NKAIN3: variants seen among roughly 807,000 people sequenced by gnomAD.
NKAIN3 encodes the protein sodium/potassium transporting ATPase interacting 3, also known as sodium/potassium-transporting ATPase subunit beta-1-interacting protein 3.
In NKAIN3, 25 loss-of-function variants were observed where a neutral mutation model predicts 30.2. The ratio of observed to expected loss-of-function variants is 0.83; its 90% CI spans 0.60 to 1.16. The LOEUF (loss-of-function observed/expected upper bound fraction) is 1.16, where lower values mean the gene tolerates loss of function less well. Ranked by LOEUF, NKAIN3 falls within the 50% of genes most tolerant of loss-of-function variation. The pLI is 0.00. For missense variants in NKAIN3, 225 were observed against 254.1 expected (o/e 0.89, Z 0.78); for synonymous variants, 91 against 89.6 (o/e 1.02, Z -0.09).
chr8:62,541,404 A>G (rs951125858), intron 1 of NKAIN3, among the ~76,000 whole-genome samples: 1 of 152,174 alleles, frequency 6.6e-6, no homozygotes, highest in Non-Finnish European at 1.5e-5. Flanking sequence ...CCTGTAGAAC[A>G]TCTCCTTCCT....
chr8:62,351,152 A>C (rs1816167178), intron 1 of NKAIN3, among the ~76,000 whole-genome samples: 1 of 148,620 alleles, frequency 6.7e-6, no homozygotes, highest in Non-Finnish European at 1.5e-5. Context: ...AAATGTTAGA[A>C]TAGATAATAT....
intron 1 of NKAIN3, among the ~76,000 whole-genome samples, chr8:62,340,280 C>A (rs934981182): frequency 6.6e-6 from 1 of 151,944 alleles, no homozygotes; most frequent in African/African-American, 2.4e-5. Flanking sequence ...CTTGGCCTCT[C>A]TTTTTATAAT....
At chr8:62,856,227 G>A (rs897983327) in intron 4 of NKAIN3, 3 of 847,472 alleles carry the variant, frequency 3.5e-6, no homozygotes, top group Middle Eastern at 2.2e-4. Context: ...GTTTTCACTG[G>A]TTCATTTGTT....
At chr8:62,270,084 T>TTTTG (rs983551262) in intron 1 of NKAIN3, among the ~76,000 whole-genome samples, 1 of 152,058 alleles carries the variant, frequency 6.6e-6, no homozygotes, top group Admixed American at 6.6e-5. Flanking sequence ...GATCACAGAG[T>TTTTG]TTTGTTTGTT....
intron 1 of NKAIN3, among the ~76,000 whole-genome samples, chr8:62,308,888 G>T (rs563200628): frequency 6.7e-6 from 1 of 149,986 alleles, no homozygotes; most frequent in Non-Finnish European, 1.5e-5. Context: ...ATTGACCAAC[G>T]GGAGATCTAC....
intron 4 of NKAIN3, among the ~76,000 whole-genome samples, chr8:62,774,432 G>A (rs1817120406): frequency 6.6e-6 from 1 of 152,044 alleles, no homozygotes; most frequent in South Asian, 2.1e-4. Context: ...GCTGGGACTT[G>A]CATTACTATG....
At chr8:62,951,034 CA>C (rs1312492815) in intron 5 of NKAIN3, among the ~76,000 whole-genome samples, 2 of 147,364 alleles carry the variant, frequency 1.4e-5, no homozygotes, top group Admixed American at 6.9e-5. Context: ...CTCTTTTCTC[CA>C]AAACTTAAAA....
intron 3 of NKAIN3, among the ~76,000 whole-genome samples, chr8:62,632,228 T>C (rs1586030236): frequency 6.6e-6 from 1 of 152,324 alleles, no homozygotes; most frequent in Admixed American, 6.5e-5. Context: ...TCTATCTCCA[T>C]ATTTCTAACA....
intron 1 of NKAIN3, among the ~76,000 whole-genome samples, chr8:62,522,567 T>C (rs1808192309): frequency 6.6e-6 from 1 of 152,132 alleles, no homozygotes; most frequent in Middle Eastern, 3.4e-3. Context: ...ATGCGTGTCA[T>C]TGACCCTGAA....
At chr8:62,566,463 GAA>G (rs1269957413) in intron 1 of NKAIN3, among the ~76,000 whole-genome samples, 1 of 142,976 alleles carries the variant, frequency 7.0e-6, no homozygotes, top group Non-Finnish European at 1.5e-5. Flanking sequence ...ACTAAAGAAA[GAA>G]AAAAATTAAT....
At chr8:62,533,340 A>T (rs1472196221) in intron 1 of NKAIN3, among the ~76,000 whole-genome samples, 3 of 152,242 alleles carry the variant, frequency 2.0e-5, no homozygotes, top group African/African-American at 7.2e-5. Flanking sequence ...GGATAATCTT[A>T]TAGAATGGCC....
intron 1 of NKAIN3, among the ~76,000 whole-genome samples, chr8:62,249,582 C>T (rs1258145669): frequency 6.6e-6 from 1 of 152,236 alleles, no homozygotes; most frequent in Non-Finnish European, 1.5e-5. Context: ...TCTGAGGAGA[C>T]AGAAGCTGCC....
chr8:62,316,067 C>A (rs1814614493), intron 1 of NKAIN3, among the ~76,000 whole-genome samples: 2 of 152,046 alleles, frequency 1.3e-5, no homozygotes, highest in Admixed American at 1.3e-4. Flanking sequence ...CCCCCTTTTT[C>A]TGCACTTCTC....
At chr8:62,933,596 A>G (rs778897802) in intron 5 of NKAIN3, among the ~76,000 whole-genome samples, 1 of 152,168 alleles carries the variant, frequency 6.6e-6, no homozygotes, top group African/African-American at 2.4e-5. Flanking sequence ...ATTGACTCCA[A>G]AGAGTTTAGA....
intron 4 of NKAIN3, among the ~76,000 whole-genome samples, chr8:62,875,319 T>C (rs189731748): frequency 2.0e-5 from 3 of 151,958 alleles, no homozygotes; most frequent in Admixed American, 6.6e-5. Flanking sequence ...CTCAAGGAAA[T>C]AAGAGAGGAC....
intron 3 of NKAIN3, among the ~76,000 whole-genome samples, chr8:62,600,333 G>A (rs1810951855): frequency 1.3e-5 from 2 of 151,994 alleles, no homozygotes; most frequent in South Asian, 4.1e-4. Flanking sequence ...CATGAGCTTT[G>A]ATCAGGGGCC....
In NKAIN3 at chr8:62,249,162, T is replaced by TCCCTGCTCCAGGACCGGC. The variant is rs1811998302; in HGVS notation, c.54+37_54+54dup. 4 of 1,505,258 alleles carry TCCCTGCTCCAGGACCGGC rather than the reference T, an allele frequency of 2.7e-6. No homozygotes were observed. In the East Asian group the frequency reaches 1.1e-4, roughly 40 times the overall value. 93.2% of individuals were successfully genotyped at this position (1,505,258 alleles called of 1,614,324 possible). ...CCGAGGGCCCCTGCCCCAGGACAGGTCCCTGCTCCAGGACCGGCCTCTGCG... is the reference window on the plus strand; with the variant it reads ...CCGAGGGCCCCTGCCCCAGGACAGGTCCCTGCTCCAGGACCGGCCCCTGCTCCAGGACCGGCCTCTGCG... On this transcript the variant is annotated intron_variant, in intron 1 of 6. Coordinates refer to ENST00000623646, the MANE Select transcript of NKAIN3 (RefSeq NM_001304533.3).
chr8:62,646,205 A>G (rs1030429609), intron 3 of NKAIN3, among the ~76,000 whole-genome samples: 20 of 151,810 alleles, frequency 1.3e-4, no homozygotes, highest in Admixed American at 1.3e-3. Flanking sequence ...GTGTCTTTCC[A>G]TGAAACAGTT....
intron 1 of NKAIN3, among the ~76,000 whole-genome samples, chr8:62,382,225 A>G (rs1197570539): frequency 6.6e-6 from 1 of 152,198 alleles, no homozygotes; most frequent in Admixed American, 6.5e-5. Context: ...TGTATACAGT[A>G]AAGTAAGTTA....
Sources: allele counts gnomAD v4.1 joint callset (sites outside exome capture counted in the v4.1 genomes callset), GRCh38; gene constraint gnomAD v4.1.1; transcripts MANE v1.5; gene names NCBI Gene and HGNC (gene_info 2026-07-23, HGNC 2026-07-21).